The following RAPGEF4 variants were observed in gnomAD, a reference collection of about 807,000 sequenced individuals.
The protein encoded by RAPGEF4 is Rap guanine nucleotide exchange factor 4, also known as RAP guanine-nucleotide-exchange factor (GEF) 4.
RAPGEF4 carries 66 observed loss-of-function variants against 147.9 expected under a neutral mutation model. That is an observed-to-expected ratio of 0.45 (90% CI 0.37 to 0.55). The LOEUF (loss-of-function observed/expected upper bound fraction) is 0.55. Among genes scored for constraint, RAPGEF4 ranks in the 20% least tolerant of loss-of-function variants. The probability of loss-of-function intolerance (pLI) is 0.00; values close to 1 mark genes in which losing one functional copy is unlikely to be tolerated. For synonymous variants in RAPGEF4, 419 were observed against 442.7 expected, an observed-to-expected ratio of 0.95 and a Z score of 0.67; for missense variants, 1,071 against 1,257.3, an observed-to-expected ratio of 0.85 and a Z score of 2.24.
intron 4 of RAPGEF4, among the ~76,000 whole-genome samples, chr2:172,816,185 T>C (rs761836860): frequency 1.9e-4 from 29 of 152,128 alleles, no homozygotes; most frequent in Non-Finnish European, 3.4e-4. Flanking sequence ...ATAAATACCT[T>C]TTATAGCTTT....
intron 4 of RAPGEF4, among the ~76,000 whole-genome samples, chr2:172,830,235 G>T (rs998518597): frequency 6.6e-6 from 1 of 152,170 alleles, no homozygotes; most frequent in Non-Finnish European, 1.5e-5. Flanking sequence ...CAAGCTTTAA[G>T]GCTTTGACTC....
intron 4 of RAPGEF4, chr2:172,821,432 A>T: frequency 6.1e-6 from 2 of 327,316 alleles, no homozygotes; most frequent in Non-Finnish European, 8.7e-6. Flanking sequence ...TGGAGCTTGT[A>T]CTGTAGGGTT....
At position 172,801,127 on chromosome 2, in the gene RAPGEF4, A is replaced by G. The variant is rs538620906; in HGVS notation, c.297+3514A>G. ...GCTTGAAAACAAGGCTCAGTGACAT[A>G]GGTGCAGCTTTCCCAGGGCCACACA... is the stretch of plus-strand genomic sequence containing the variant. On this transcript the variant is annotated intron_variant, in intron 3 of 30. Transcript: ENST00000397081. Among the ~76,000 whole-genome samples the G allele has an allele frequency of 2.0e-5, 3 of 152,314 alleles. No individual in the cohort carries two copies. In the South Asian group the frequency reaches 6.2e-4, roughly 32 times the overall value.
At chr2:172,816,598 G>A (rs1478427074) in intron 4 of RAPGEF4, among the ~76,000 whole-genome samples, 1 of 152,128 alleles carries the variant, frequency 6.6e-6, no homozygotes, top group Non-Finnish European at 1.5e-5. Flanking sequence ...TTCCCTTAGA[G>A]GAAAAATATT....
intron 29 of RAPGEF4, among the ~76,000 whole-genome samples, chr2:173,045,260 C>T (rs1054426152): frequency 6.6e-6 from 1 of 152,210 alleles, no homozygotes; most frequent in South Asian, 2.1e-4. Flanking sequence ...GCAAAGGAGG[C>T]TGAGAGGTTT....
chr2:172,996,318 T>G, intron 15 of RAPGEF4, 148 bp from the exon 16 acceptor site: 1 of 462,538 alleles, frequency 2.2e-6, no homozygotes, highest in South Asian at 4.3e-5. Context: ...TGTGTGACTT[T>G]GACAAAGTGT....
chr2:172,892,465 G>A (rs981485781), intron 4 of RAPGEF4, among the ~76,000 whole-genome samples: 1 of 152,156 alleles, frequency 6.6e-6, no homozygotes, highest in African/African-American at 2.4e-5. Flanking sequence ...CAGTCTCTCA[G>A]CCTTTCTGGC....
At chr2:172,914,398 G>A (rs1057162138) in intron 4 of RAPGEF4, among the ~76,000 whole-genome samples, 3 of 133,960 alleles carry the variant, frequency 2.2e-5, no homozygotes, top group African/African-American at 5.6e-5. Flanking sequence ...GCAATGGCAC[G>A]ATCTTGGTTC....
intron 4 of RAPGEF4, among the ~76,000 whole-genome samples, chr2:172,891,137 A>T (rs1697860888): frequency 6.6e-6 from 1 of 150,848 alleles, no homozygotes; most frequent in African/African-American, 2.5e-5. Flanking sequence ...TCTTTAAGGA[A>T]AAAAAAAAGG....
At chr2:172,937,037 CA>C (rs34104170) in intron 6 of RAPGEF4, among the ~76,000 whole-genome samples, 297 of 52,582 alleles carry the variant, frequency 5.6e-3, no homozygotes, top group African/African-American at 0.022. Context: ...CCTCTCTCTG[CA>C]AAAAAAAAAA....
rs530270044 is a variant in RAPGEF4 at position 173,015,012 on chromosome 2, C to T, written c.1809+398C>T. Among the ~76,000 whole-genome samples, 145 of 152,168 alleles carry T rather than the reference C, an allele frequency of 9.5e-4. 1 individual carries two copies. Among genetic ancestry groups the T allele is most frequent in the African/African-American group, 3.3e-3 (139 of 41,514 alleles). On this transcript the variant is annotated intron_variant, in intron 18 of 30. Coordinates refer to ENST00000397081, the MANE Select transcript of RAPGEF4 (RefSeq NM_007023.4). Reference sequence around the variant, plus strand: ...AAATATCTAATGACCATTGAGTAGCCATGTCACAGATATATTTATGTGTTC... The same window carrying T: ...AAATATCTAATGACCATTGAGTAGCTATGTCACAGATATATTTATGTGTTC...
intron 24 of RAPGEF4, 41 bp from the exon 25 acceptor site, chr2:173,027,040 T>C: frequency 1.3e-6 from 2 of 1,521,102 alleles, no homozygotes; most frequent in Non-Finnish European, 1.8e-6. Context: ...GTGTTTTGAT[T>C]TAAAAAAAAA....
intron 23 of RAPGEF4, among the ~76,000 whole-genome samples, chr2:173,024,010 TCTC>T (rs1301425107): frequency 6.6e-6 from 1 of 152,124 alleles, no homozygotes; most frequent in African/African-American, 2.4e-5. Context: ...TTGAAATCAT[TCTC>T]CTCATTTGTT....
chr2:173,017,115 A>G, intron 19 of RAPGEF4, 59 bp from the exon 20 acceptor site: 2 of 1,514,012 alleles, frequency 1.3e-6, no homozygotes. Context: ...TTATATACAA[A>G]TAAGGCAATT....
chr2:172,955,643 C>A (rs1264047423), intron 6 of RAPGEF4, among the ~76,000 whole-genome samples: 1 of 152,270 alleles, frequency 6.6e-6, no homozygotes, highest in East Asian at 1.9e-4. Flanking sequence ...GGGGTCCATG[C>A]CTTTCGGGGC....
chr2:172,842,384 A>G (rs536345127), intron 4 of RAPGEF4, among the ~76,000 whole-genome samples: 1 of 152,342 alleles, frequency 6.6e-6, no homozygotes, highest in South Asian at 2.1e-4. Flanking sequence ...CTAGTTATCT[A>G]TTGTTATATA....
chr2:173,028,412 C>A (rs888540866), intron 25 of RAPGEF4, among the ~76,000 whole-genome samples: 15 of 152,180 alleles, frequency 9.9e-5, no homozygotes, highest in Admixed American at 9.2e-4. Context: ...TCTCTCTTCA[C>A]CTTAGCCTGG....
chr2:173,014,726 G>A, intron 18 of RAPGEF4, 112 bp downstream of exon 18: 1 of 1,008,794 alleles, frequency 9.9e-7, no homozygotes, highest in Admixed American at 3.7e-5. Context: ...GCTAGACTTT[G>A]TGAACACATT....
intron 6 of RAPGEF4, among the ~76,000 whole-genome samples, chr2:172,939,545 G>C (rs527632787): frequency 6.6e-6 from 1 of 152,254 alleles, no homozygotes; most frequent in South Asian, 2.1e-4. Flanking sequence ...TCCTTTATCA[G>C]ATATGAGTTT....
Sources: gnomAD v4.1 joint callset for allele counts (sites outside exome capture counted in the v4.1 genomes callset) on GRCh38, gnomAD v4.1.1 for gene constraint, MANE v1.5 for transcripts, NCBI Gene and HGNC (gene_info 2026-07-23, HGNC 2026-07-21) for gene names.